The following RBFOX1 variants were observed in gnomAD, a reference collection of about 807,000 sequenced individuals.
RBFOX1 encodes RNA binding protein fox-1 homolog 1.
A neutral mutation model predicts 57.7 loss-of-function variants in RBFOX1; 8 were observed. The ratio of observed to expected loss-of-function variants is 0.14; its 90% CI spans 0.08 to 0.25. The LOEUF is 0.25. Ranked by LOEUF, RBFOX1 falls within the 10% of genes least tolerant of loss-of-function variation. RBFOX1 has a pLI of 1.00. For missense variants in RBFOX1, 611 were observed against 548.5 expected, an observed-to-expected ratio of 1.11 and a Z score of -1.14; for synonymous variants, 326 against 222.4, an observed-to-expected ratio of 1.47 and a Z score of -4.15.
At chr16:6,663,214 A>C (rs1444137488) in intron 3 of RBFOX1, among the ~76,000 whole-genome samples, 1 of 152,154 alleles carries the variant, frequency 6.6e-6, no homozygotes, top group Non-Finnish European at 1.5e-5. Flanking sequence ...TATCCACATG[A>C]CTTACTGACA....
At chr16:7,115,604 C>T (rs1055718992) in intron 4 of RBFOX1, among the ~76,000 whole-genome samples, 1 of 152,130 alleles carries the variant, frequency 6.6e-6, no homozygotes, top group African/African-American at 2.4e-5. Context: ...CACAGATTTA[C>T]CTCTGGAAAG....
chr16:7,433,743 C>G (rs527642173), intron 4 of RBFOX1, among the ~76,000 whole-genome samples: 1 of 152,202 alleles, frequency 6.6e-6, no homozygotes, highest in Non-Finnish European at 1.5e-5. Flanking sequence ...CCCAACCACC[C>G]ATCCATCTAA....
At position 6,522,007 on chromosome 16, in the gene RBFOX1, A is replaced by C. The variant is rs370800975; in HGVS notation, c.-63-132596A>C. Among the ~76,000 whole-genome samples, 10 of 152,316 alleles carry C rather than the reference A, an allele frequency of 6.6e-5. No individual in the cohort carries two copies. The South Asian group carries it at 2.1e-3, about 32-fold the overall frequency. ...ACCAAGGTTATCGACCAGCTTCTAC[A>C]AAGCCAAATATTTGTTTTCTAATGA... On this transcript the variant is annotated intron_variant, in intron 2 of 15. Transcript: ENST00000550418.
chr16:6,413,888 AG>A (rs1170839289), intron 2 of RBFOX1, among the ~76,000 whole-genome samples: 3 of 152,224 alleles, frequency 2.0e-5, no homozygotes, highest in African/African-American at 7.2e-5. Flanking sequence ...GGAGACAAAG[AG>A]GAACTCTTAG....
intron 1 of RBFOX1, among the ~76,000 whole-genome samples, chr16:6,106,119 A>G (rs1334198675): frequency 6.6e-6 from 1 of 152,078 alleles, no homozygotes; most frequent in Admixed American, 6.6e-5. Flanking sequence ...GGTATAGACA[A>G]TATTAAGGAT....
chr16:5,697,121 T>G (rs1248615519), intron 3 of RBFOX1, among the ~76,000 whole-genome samples: 3 of 152,110 alleles, frequency 2.0e-5, no homozygotes, highest in Non-Finnish European at 4.4e-5. Context: ...TCTCATATAA[T>G]TTTGGATTGT....
chr16:5,757,023 C>T (rs1430331547), intron 3 of RBFOX1, among the ~76,000 whole-genome samples: 1 of 152,126 alleles, frequency 6.6e-6, no homozygotes, highest in African/African-American at 2.4e-5. Context: ...TGATTTAATT[C>T]AGATGTTTCT....
chr16:6,568,756 T>C (rs759844761), intron 2 of RBFOX1, among the ~76,000 whole-genome samples: 9 of 152,044 alleles, frequency 5.9e-5, no homozygotes, highest in Admixed American at 1.3e-4. Context: ...TGATTACCAG[T>C]GTGCTTATAA....
chr16:6,652,129 C>A (rs572851792), intron 2 of RBFOX1, among the ~76,000 whole-genome samples: 5 of 152,194 alleles, frequency 3.3e-5, no homozygotes, highest in East Asian at 3.9e-4. Flanking sequence ...AGGGTGGGGT[C>A]TTAATCCAAT....
intron 6 of RBFOX1, among the ~76,000 whole-genome samples, chr16:7,582,054 A>C (rs1034975): frequency 0.11 from 15,793 of 150,338 alleles, 2,784 homozygotes; most frequent in African/African-American, 0.36. Flanking sequence ...TTTTGTGACA[A>C]AGTCTTAGTC....
chr16:5,634,699 G>A lies in RBFOX1; in HGVS notation c.318+35738G>A, dbSNP rs1465898230. On this transcript the variant is annotated intron_variant, in intron 3 of 19. Coordinates refer to the RBFOX1 transcript ENST00000641259. ...AGAGTTGCAGGAGGCAGCAAATTGG[G>A]ATGGGGAGCCAGGAGTCAGGGCCCA... 2.0e-5 allele frequency among the ~76,000 whole-genome samples: 3 copies of A among 152,148 alleles called. No individual in the cohort carries two copies. The East Asian group carries it at 5.8e-4, about 29-fold the overall frequency.
chr16:6,755,152 C>A (rs889117313), intron 3 of RBFOX1, among the ~76,000 whole-genome samples: 1 of 152,132 alleles, frequency 6.6e-6, no homozygotes, highest in Non-Finnish European at 1.5e-5. Context: ...GGGGATAGTG[C>A]CGCAATAAAC....
At chr16:7,018,407 G>A (rs963039955) in intron 3 of RBFOX1, among the ~76,000 whole-genome samples, 1 of 152,148 alleles carries the variant, frequency 6.6e-6, no homozygotes, top group African/African-American at 2.4e-5. Context: ...AATTGTGTGT[G>A]CGTGGGTGTT....
intron 4 of RBFOX1, among the ~76,000 whole-genome samples, chr16:5,919,030 A>G (rs1056993166): frequency 6.6e-6 from 1 of 152,204 alleles, no homozygotes; most frequent in Non-Finnish European, 1.5e-5. Flanking sequence ...CCTCTCAGGA[A>G]GGAATCATAT....
intron 4 of RBFOX1, among the ~76,000 whole-genome samples, chr16:7,108,356 T>A (rs529774835): frequency 6.6e-6 from 1 of 152,310 alleles, no homozygotes; most frequent in African/African-American, 2.4e-5. Flanking sequence ...GTCCTTTGTT[T>A]GCTTCCTGAA....
chr16:5,933,674 C>G (rs1394305382), intron 4 of RBFOX1, among the ~76,000 whole-genome samples: 1 of 152,108 alleles, frequency 6.6e-6, no homozygotes, highest in East Asian at 1.9e-4. Flanking sequence ...CTTTCTGGGC[C>G]TTTCTTTCCA....
chr16:6,512,981 A>G (rs1015442126), intron 2 of RBFOX1, among the ~76,000 whole-genome samples: 1 of 152,204 alleles, frequency 6.6e-6, no homozygotes, highest in African/African-American at 2.4e-5. Flanking sequence ...GAAGCAGAAT[A>G]ATTTTGTTAC....
chr16:5,408,509 G>A (rs980160801), intron 1 of RBFOX1, among the ~76,000 whole-genome samples: 1 of 152,212 alleles, frequency 6.6e-6, no homozygotes, highest in African/African-American at 2.4e-5. Flanking sequence ...GCCCACGTCT[G>A]GTTTCTGAGG....
At chr16:7,686,066 G>T (rs77383477) in intron 14 of RBFOX1, among the ~76,000 whole-genome samples, 13,216 of 151,956 alleles carry the variant, frequency 0.087, 633 homozygotes, top group Middle Eastern at 0.13. Flanking sequence ...TTGCGTGGTT[G>T]TGAGAATCCA....
Sources: allele counts gnomAD v4.1 joint callset (sites outside exome capture counted in the v4.1 genomes callset), GRCh38; gene constraint gnomAD v4.1.1; transcripts MANE v1.5; gene names NCBI Gene and HGNC (gene_info 2026-07-23, HGNC 2026-07-21).